The following CCDC148 variants were observed in gnomAD, a reference collection of about 807,000 sequenced individuals.
CCDC148 encodes the protein coiled-coil domain-containing protein 148.
Under a neutral mutation model 85.7 loss-of-function variants are expected in CCDC148, and 89 were observed. The observed-to-expected ratio is 1.04, with a 90% CI of 0.87 to 1.24. The LOEUF is 1.24. Ranked by LOEUF, CCDC148 falls within the 50% of genes most tolerant of loss-of-function variation. CCDC148 has a pLI of 0.00. For synonymous variants in CCDC148, 230 were observed against 213.9 expected, an observed-to-expected ratio of 1.08 and a Z score of -0.66; for missense variants, 692 against 671.7, an observed-to-expected ratio of 1.03 and a Z score of -0.33.
chr2:158,283,099 C>T (rs546250450), intron 9 of CCDC148, among the ~76,000 whole-genome samples: 2 of 152,282 alleles, frequency 1.3e-5, no homozygotes, highest in African/African-American at 4.8e-5. Flanking sequence ...AAACCGGATC[C>T]CTTCCTCACA....
chr2:158,334,494 T>G (rs1350893030), intron 7 of CCDC148, among the ~76,000 whole-genome samples: 1 of 151,652 alleles, frequency 6.6e-6, no homozygotes, highest in Non-Finnish European at 1.5e-5. Context: ...TATGCTAGAT[T>G]TTTGAATGGC....
Position 158,243,665 on chromosome 2 carries a change from ATCTTT to A in CCDC148, c.1251+7102_1251+7106del, listed in dbSNP as rs537614149. ...ATATAACTAAATACTCTGACTTTTG[ATCTTT>A]TCAAGACTAAAACAAAGGACTGTAT... On this transcript the variant is annotated intron_variant, in intron 10 of 13. Transcript: ENST00000283233. 2.6e-3 allele frequency among the ~76,000 whole-genome samples: 393 copies of A among 152,192 alleles called. 4 individuals are homozygous for A. The highest frequency in any genetic ancestry group is 9.2e-3 in the African/African-American group (381 of 41,540).
intron 13 of CCDC148, 134 bp downstream of exon 13, chr2:158,176,387 G>A (rs1684586705): frequency 1.3e-6 from 1 of 780,918 alleles, no homozygotes; most frequent in South Asian, 2.2e-5. Context: ...CTATCATTTA[G>A]AAGTAAAAAT....
At chr2:158,285,225 T>C (rs1021951617) in intron 9 of CCDC148, among the ~76,000 whole-genome samples, 1 of 150,628 alleles carries the variant, frequency 6.6e-6, no homozygotes, top group African/African-American at 2.4e-5. Flanking sequence ...GAGACAGAGG[T>C]TGCAGCGAGC....
At chr2:158,348,713 G>C (rs551574564) in intron 2 of CCDC148, among the ~76,000 whole-genome samples, 2 of 151,994 alleles carry the variant, frequency 1.3e-5, no homozygotes, top group Non-Finnish European at 2.9e-5. Context: ...TAGCAGTATA[G>C]AGGAAACAAG....
At chr2:158,408,368 T>C (rs142845320) in intron 1 of CCDC148, among the ~76,000 whole-genome samples, 3 of 152,276 alleles carry the variant, frequency 2.0e-5, no homozygotes, top group Non-Finnish European at 2.9e-5. Context: ...TTTGTACCCT[T>C]TGACCAATAT....
At chr2:158,366,121 T>C in intron 1 of CCDC148, 1 of 1,301,020 alleles carries the variant, frequency 7.7e-7, no homozygotes, top group South Asian at 1.4e-5. Context: ...TATTATTTTA[T>C]AAATGTTTTT....
At chr2:158,306,599 G>C (rs142218899) in intron 9 of CCDC148, among the ~76,000 whole-genome samples, 7 of 150,418 alleles carry the variant, frequency 4.7e-5, no homozygotes, top group Non-Finnish European at 8.9e-5. Flanking sequence ...AACACTGCAT[G>C]TTCTCACTCA....
chr2:158,400,321 A>G (rs908204777), intron 1 of CCDC148, among the ~76,000 whole-genome samples: 1 of 152,198 alleles, frequency 6.6e-6, no homozygotes, highest in Non-Finnish European at 1.5e-5. Context: ...CTACAAGGCT[A>G]CAGTAACCAA....
At chr2:158,208,646 T>C (rs1020118080) in intron 11 of CCDC148, among the ~76,000 whole-genome samples, 1 of 152,180 alleles carries the variant, frequency 6.6e-6, no homozygotes, top group Non-Finnish European at 1.5e-5. Flanking sequence ...CCAGTAGTCA[T>C]GGTTAAACTT....
intron 10 of CCDC148, among the ~76,000 whole-genome samples, chr2:158,243,597 A>G (rs755270646): frequency 2.6e-5 from 4 of 152,148 alleles, no homozygotes; most frequent in Non-Finnish European, 5.9e-5. Flanking sequence ...CTAGTTTGAA[A>G]AGATCCATGA....
chr2:158,259,418 T>C lies in CCDC148; in HGVS notation c.1111-8506A>G, dbSNP rs139610664. ...GCTTTACCTACCACCCGGCACCTGATAGATGCTCAATAGATATGTTTAAAT... is the reference window on the plus strand; with the variant it reads ...GCTTTACCTACCACCCGGCACCTGACAGATGCTCAATAGATATGTTTAAAT... On this transcript the variant is annotated intron_variant, in intron 9 of 13. Transcript: ENST00000283233. Among the ~76,000 whole-genome samples, 733 of 152,008 alleles carry C rather than the reference T, an allele frequency of 4.8e-3. 1 individual carries two copies. The highest frequency in any genetic ancestry group is 7.1e-3 in the Non-Finnish European group (485 of 67,874).
At chr2:158,199,776 A>G (rs1685859539) in intron 11 of CCDC148, among the ~76,000 whole-genome samples, 1 of 152,168 alleles carries the variant, frequency 6.6e-6, no homozygotes, top group Non-Finnish European at 1.5e-5. Context: ...CATTATTGGG[A>G]ACGAGCAAAT....
chr2:158,364,140 A>G (rs1684094676), intron 1 of CCDC148, among the ~76,000 whole-genome samples: 1 of 152,210 alleles, frequency 6.6e-6, no homozygotes, highest in African/African-American at 2.4e-5. Context: ...ACTACAAACC[A>G]CTACTCAAGG....
intron 8 of CCDC148, among the ~76,000 whole-genome samples, chr2:158,312,537 G>A (rs568122379): frequency 2.4e-3 from 304 of 124,656 alleles, no homozygotes; most frequent in African/African-American, 8.7e-3. Context: ...AGCCAAGATC[G>A]CACCACTGCA....
chr2:158,210,210 A>C (rs1686487083), intron 11 of CCDC148, among the ~76,000 whole-genome samples: 1 of 152,198 alleles, frequency 6.6e-6, no homozygotes. Flanking sequence ...CAAAAAAGAC[A>C]AAAAAGGGCA....
chr2:158,232,804 A>G (rs1687915643), intron 10 of CCDC148, among the ~76,000 whole-genome samples: 1 of 152,126 alleles, frequency 6.6e-6, no homozygotes. Context: ...CTAATTAGAT[A>G]GTTCCTTGCA....
intron 1 of CCDC148, among the ~76,000 whole-genome samples, chr2:158,439,068 C>T (rs965487033): frequency 2.6e-5 from 4 of 152,068 alleles, no homozygotes; most frequent in South Asian, 2.1e-4. Flanking sequence ...GTCAGTGTGG[C>T]GATTCCTCAG....
intron 11 of CCDC148, among the ~76,000 whole-genome samples, chr2:158,208,272 GT>G (rs1336564206): frequency 6.6e-6 from 1 of 152,184 alleles, no homozygotes; most frequent in African/African-American, 2.4e-5. Context: ...ATTTTTTGCT[GT>G]TTTAGGTATA....
Sources: allele counts gnomAD v4.1 joint callset (sites outside exome capture counted in the v4.1 genomes callset), GRCh38; gene constraint gnomAD v4.1.1; transcripts MANE v1.5; gene names NCBI Gene and HGNC (gene_info 2026-07-23, HGNC 2026-07-21).